The following PDE8A variants were observed in gnomAD, a reference collection of about 807,000 sequenced individuals.
The protein encoded by PDE8A is phosphodiesterase 8A.
A neutral mutation model predicts 105.0 loss-of-function variants in PDE8A; 59 were observed. That is an observed-to-expected ratio of 0.56 (90% confidence interval 0.46 to 0.70). PDE8A has a LOEUF of 0.70. PDE8A is among the 30% of genes least tolerant of loss of function. PDE8A has a pLI of 0.00. For synonymous variants in PDE8A, 355 were observed against 371.9 expected (o/e 0.95, Z 0.52); for missense variants, 1,014 against 1,045.9 (o/e 0.97, Z 0.42).
intron 1 of PDE8A, among the ~76,000 whole-genome samples, chr15:85,022,444 G>A (rs371582965): frequency 2.5e-5 from 2 of 79,998 alleles, no homozygotes; most frequent in Non-Finnish European, 5.1e-5. Flanking sequence ...TTTTTTTTTT[G>A]TAATGTCTGA....
At chr15:85,023,334 AT>A (rs2080459953) in intron 1 of PDE8A, among the ~76,000 whole-genome samples, 1 of 152,132 alleles carries the variant, frequency 6.6e-6, no homozygotes. Context: ...AGGCTCTGTT[AT>A]TTTTCTCCCG....
intron 3 of PDE8A, among the ~76,000 whole-genome samples, chr15:85,074,677 A>G (rs2081357381): frequency 6.6e-6 from 1 of 152,238 alleles, no homozygotes; most frequent in Non-Finnish European, 1.5e-5. Context: ...CCTGTCTCAA[A>G]AAGATGGGGG....
chr15:85,070,304 A>G (rs2081291991), intron 3 of PDE8A, among the ~76,000 whole-genome samples: 2 of 152,208 alleles, frequency 1.3e-5, no homozygotes, highest in Non-Finnish European at 2.9e-5. Flanking sequence ...TTATATTTCC[A>G]AATCTACCAG....
At chr15:85,061,632 T>G (rs1350036426) in intron 1 of PDE8A, among the ~76,000 whole-genome samples, 1 of 152,146 alleles carries the variant, frequency 6.6e-6, no homozygotes. Context: ...TACTTATTGT[T>G]TGTTGAGCTT....
chr15:85,106,676 G>C (rs892060419), intron 11 of PDE8A, among the ~76,000 whole-genome samples: 1 of 152,176 alleles, frequency 6.6e-6, no homozygotes, highest in African/African-American at 2.4e-5. Flanking sequence ...GAAGGAGCCG[G>C]TGTCAAGGCT....
intron 1 of PDE8A, among the ~76,000 whole-genome samples, chr15:85,039,560 A>AT (rs1567243113): frequency 6.6e-6 from 1 of 152,162 alleles, no homozygotes; most frequent in Non-Finnish European, 1.5e-5. Flanking sequence ...TAAAAAAAAA[A>AT]CTAAAAATAG....
chr15:85,031,593 C>T (rs995047729), intron 1 of PDE8A, among the ~76,000 whole-genome samples: 2 of 152,160 alleles, frequency 1.3e-5, no homozygotes, highest in Non-Finnish European at 2.9e-5. Flanking sequence ...TGACTGAGTA[C>T]AGCCCTCAGT....
intron 12 of PDE8A, among the ~76,000 whole-genome samples, chr15:85,112,410 A>T (rs1362884953): frequency 1.3e-5 from 2 of 152,222 alleles, no homozygotes; most frequent in Non-Finnish European, 2.9e-5. Context: ...GCATATATCA[A>T]TTATTTTTAA....
At position 85,123,158 on chromosome 15, in the gene PDE8A, A is replaced by T. The variant is rs1404134882; in HGVS notation, c.2050A>T (p.Ile684Phe). The T allele has an allele frequency of 6.2e-7, 1 of 1,614,152 alleles. No homozygotes were observed. Among genetic ancestry groups the T allele is most frequent in the South Asian group, 1.1e-5 (1 of 91,070 alleles). The part of the protein sequence containing the change: ...FEHVNKFVNS[I>F]NKPLATLEEN... ...GCATGTCAACAAATTTGTCAACAGC[A>T]TCAACAAACCCTTGGCAACACTAGA... Residue 684 changes from isoleucine to phenylalanine, a missense_variant, in exon 19 of 22, where the codon ATC (isoleucine) becomes TTC (phenylalanine). By Grantham distance (21) the Ile-to-Phe change is conservative (BLOSUM62 0). Transcript: ENST00000394553.
At chr15:84,989,779 G>C (rs2079857531) in intron 1 of PDE8A, among the ~76,000 whole-genome samples, 1 of 152,158 alleles carries the variant, frequency 6.6e-6, no homozygotes, top group Non-Finnish European at 1.5e-5. Flanking sequence ...GGCAAACTTG[G>C]TTCAAATATA....
intron 1 of PDE8A, among the ~76,000 whole-genome samples, chr15:85,010,469 C>G (rs2080221459): frequency 6.6e-6 from 1 of 152,188 alleles, no homozygotes; most frequent in South Asian, 2.1e-4. Flanking sequence ...TCCTTACACA[C>G]AGAAGGGAGT....
chr15:85,090,954 C>T, intron 7 of PDE8A, 90 bp from the exon 8 acceptor site: 1 of 1,194,540 alleles, frequency 8.4e-7, no homozygotes, highest in Non-Finnish European at 1.2e-6. Flanking sequence ...GGGGAAAAAC[C>T]TGAAGGGCTT....
chr15:85,116,201 T>G (rs1308956765), intron 16 of PDE8A, 82 bp downstream of exon 16: 1 of 1,421,944 alleles, frequency 7.0e-7, no homozygotes, highest in Non-Finnish European at 9.7e-7. Context: ...GTATGGATTG[T>G]GCACAAGCCT....
At chr15:85,000,641 C>T (rs2066346558) in intron 1 of PDE8A, among the ~76,000 whole-genome samples, 1 of 152,136 alleles carries the variant, frequency 6.6e-6, no homozygotes, top group South Asian at 2.1e-4. Context: ...TGTACCTGTC[C>T]CATAGCTAGG....
At chr15:85,130,462 T>C (rs2082315188) in intron 20 of PDE8A, among the ~76,000 whole-genome samples, 5 of 152,204 alleles carry the variant, frequency 3.3e-5, no homozygotes, top group Admixed American at 3.3e-4. Context: ...TTTTAAAATA[T>C]ATACTGTTTG....
At chr15:85,112,162 T>C (rs552752885) in intron 12 of PDE8A, among the ~76,000 whole-genome samples, 1 of 152,350 alleles carries the variant, frequency 6.6e-6, no homozygotes, top group South Asian at 2.1e-4. Flanking sequence ...TTTGATTTTT[T>C]TCTAATTCCT....
chr15:85,075,995 C>G, intron 4 of PDE8A, 77 bp downstream of exon 4: 1 of 769,860 alleles, frequency 1.3e-6, no homozygotes. Context: ...CAAATAACAG[C>G]TTGCATGCTG....
chr15:84,985,571 A>G (rs987399093), intron 1 of PDE8A, among the ~76,000 whole-genome samples: 12 of 151,908 alleles, frequency 7.9e-5, no homozygotes, highest in African/African-American at 2.4e-4. Context: ...CTCACCCCCT[A>G]TCTTCCTTTT....
At chr15:84,999,894 A>G (rs990400927) in intron 1 of PDE8A, among the ~76,000 whole-genome samples, 2 of 152,170 alleles carry the variant, frequency 1.3e-5, no homozygotes, top group African/African-American at 4.8e-5. Flanking sequence ...TTAAGATGAT[A>G]AGCTCACAAG....
Sources: allele counts gnomAD v4.1 joint callset (sites outside exome capture counted in the v4.1 genomes callset), GRCh38; gene constraint gnomAD v4.1.1; transcripts MANE v1.5; gene names NCBI Gene and HGNC (gene_info 2026-07-23, HGNC 2026-07-21).